CAMTA1: variants seen among roughly 807,000 people sequenced by gnomAD.
The protein encoded by CAMTA1 is calmodulin-binding transcription activator 1.
A neutral mutation model predicts 170.9 loss-of-function variants in CAMTA1; 27 were observed. The observed-to-expected ratio is 0.16, with a 90% CI of 0.12 to 0.22. The LOEUF (loss-of-function observed/expected upper bound fraction) is 0.22. Among genes scored for constraint, CAMTA1 ranks in the 10% least tolerant of loss-of-function variants. The pLI is 1.00. For missense variants in CAMTA1, 1,619 were observed against 2,217.2 expected (o/e 0.73, Z 5.42); for synonymous variants, 833 against 891.5 (o/e 0.93, Z 1.17).
chr1:7,698,084 CCCCCA>C (rs1265980470), intron 11 of CAMTA1, among the ~76,000 whole-genome samples: 1 of 142,904 alleles, frequency 7.0e-6, no homozygotes, highest in Admixed American at 6.9e-5. Flanking sequence ...ACCCCCCCCC[CCCCCA>C]CCAACATGGC....
chr1:7,618,005 A>G (rs779990773), intron 6 of CAMTA1, among the ~76,000 whole-genome samples: 16 of 152,172 alleles, frequency 1.1e-4, no homozygotes, highest in Admixed American at 6.5e-5. Flanking sequence ...TACCATGCAC[A>G]CAGTGGGAGC....
chr1:7,670,872 C>A, intron 9 of CAMTA1, 39 bp from the exon 10 acceptor site: 2 of 1,607,776 alleles, frequency 1.2e-6, no homozygotes, highest in Admixed American at 1.7e-5. Flanking sequence ...CCCACAGTGG[C>A]TCACACTCCA....
intron 3 of CAMTA1, among the ~76,000 whole-genome samples, chr1:6,962,110 G>A (rs1046380245): frequency 2.6e-5 from 4 of 152,166 alleles, no homozygotes; most frequent in Non-Finnish European, 5.9e-5. Context: ...TGGGCCTCAC[G>A]CCTCTGTCTC....
intron 5 of CAMTA1, among the ~76,000 whole-genome samples, chr1:7,345,115 A>G (rs79870386): frequency 0.017 from 2,590 of 152,218 alleles, 29 homozygotes; most frequent in Non-Finnish European, 0.028. Flanking sequence ...AGAATTCTTT[A>G]TATTTTCTTG....
chr1:7,645,571 G>A (rs1485994697), intron 7 of CAMTA1, among the ~76,000 whole-genome samples: 1 of 152,274 alleles, frequency 6.6e-6, no homozygotes, highest in African/African-American at 2.4e-5. Context: ...TGGCTGGCCA[G>A]ATGGCCCTGC....
chr1:7,735,619 C>T (rs1431995083), intron 12 of CAMTA1, among the ~76,000 whole-genome samples: 7 of 152,086 alleles, frequency 4.6e-5, no homozygotes, highest in African/African-American at 1.7e-4. Context: ...TTCCCCAAGA[C>T]GAATCGGCAT....
Position 7,271,004 on chromosome 1 carries a change from AC to A in CAMTA1, c.438+21381del, listed in dbSNP as rs1184507489. Among the ~76,000 whole-genome samples the A allele has an allele frequency of 2.0e-5, 3 of 152,098 alleles. No homozygotes were observed. In the South Asian group the frequency reaches 6.2e-4, roughly 32 times the overall value. On this transcript the variant is annotated intron_variant, in intron 5 of 22. Transcript: ENST00000303635. ...CAAGAAGTTAGAAAAAGAAAATGAAACCCAAAATCATCCAGGGGAAAGTATT... is the reference window on the plus strand; with the variant it reads ...CAAGAAGTTAGAAAAAGAAAATGAAACCAAAATCATCCAGGGGAAAGTATT...
chr1:6,990,012 C>T (rs1696088722), intron 3 of CAMTA1, among the ~76,000 whole-genome samples: 2 of 152,128 alleles, frequency 1.3e-5, no homozygotes, highest in Admixed American at 1.3e-4. Flanking sequence ...TCTTAACTGG[C>T]TTCCCTGGAA....
intron 5 of CAMTA1, among the ~76,000 whole-genome samples, chr1:7,339,289 C>T (rs1347066940): frequency 6.6e-6 from 1 of 152,032 alleles, no homozygotes; most frequent in Non-Finnish European, 1.5e-5. Context: ...AATGTGAACT[C>T]CATCTCAATA....
intron 3 of CAMTA1, among the ~76,000 whole-genome samples, chr1:6,975,968 C>T (rs896308514): frequency 1.2e-4 from 18 of 152,132 alleles, no homozygotes; most frequent in African/African-American, 3.1e-4. Flanking sequence ...CCTGCCGCGG[C>T]GAGCGTCAGT....
Position 7,216,285 on chromosome 1 carries a change from C to A in CAMTA1, c.303-33206C>A, listed in dbSNP as rs1444715968. Among the ~76,000 whole-genome samples the A allele has an allele frequency of 6.6e-6, 1 of 152,194 alleles. No homozygotes were observed. The highest frequency in any genetic ancestry group is 1.5e-5 in the Non-Finnish European group (1 of 68,034). ...CCTCCCCCAGGCTCTTCCTCCAACA[C>A]TGGGGATTACAGTTTGACATGAGAT... is the stretch of plus-strand genomic sequence containing the variant. On this transcript the variant is annotated intron_variant, in intron 4 of 22. Coordinates refer to ENST00000303635, the MANE Select transcript of CAMTA1 (RefSeq NM_015215.4). The surrounding 1 kb of genome is among the most constrained non-coding windows in gnomAD (Gnocchi z 4.0).
chr1:7,277,070 T>C (rs933503667), intron 5 of CAMTA1, among the ~76,000 whole-genome samples: 3 of 152,174 alleles, frequency 2.0e-5, no homozygotes, highest in African/African-American at 7.2e-5. Flanking sequence ...TAAAGAAGAC[T>C]TAAATAAATG....
At chr1:7,030,218 A>G (rs1557996313) in intron 3 of CAMTA1, among the ~76,000 whole-genome samples, 1 of 151,372 alleles carries the variant, frequency 6.6e-6, no homozygotes, top group East Asian at 1.9e-4. Flanking sequence ...AAAATAGTAT[A>G]TTTTTTTGTA....
intron 5 of CAMTA1, among the ~76,000 whole-genome samples, chr1:7,294,136 G>A (rs981026338): frequency 3.3e-5 from 5 of 152,154 alleles, no homozygotes; most frequent in Non-Finnish European, 5.9e-5. Flanking sequence ...GATGATGGGG[G>A]TGCTCAAGCT....
intron 7 of CAMTA1, among the ~76,000 whole-genome samples, chr1:7,656,149 C>A (rs1424901333): frequency 6.6e-6 from 1 of 152,214 alleles, no homozygotes; most frequent in African/African-American, 2.4e-5. Context: ...ATGAATTTCC[C>A]AGTCTGTGGT....
Position 6,986,088 on chromosome 1 carries a change from G to A in CAMTA1, c.235-105216G>A, listed in dbSNP as rs6660411. Among the ~76,000 whole-genome samples, 302 of 152,308 alleles carry A rather than the reference G, an allele frequency of 2.0e-3. 1 individual carries two copies. Among genetic ancestry groups the A allele is most frequent in the African/African-American group, 7.1e-3 (295 of 41,574 alleles). ...CAGCCCCCACTGGCTGCTCCCTGCC[G>A]TCTTTCTGTGCCTTTCCCCTGTTGC... On this transcript the variant is annotated intron_variant, in intron 3 of 22. Transcript: ENST00000303635.
rs1195737519 is a variant in CAMTA1, at chr1:6,965,493, C to G, written c.235-125811C>G. On this transcript the variant is annotated intron_variant, in intron 3 of 22. Transcript: ENST00000303635. This position sits in a 1 kb window ranked among gnomAD's most constrained non-coding sequence, Gnocchi z 4.1. ...AGGTAAATGTGGTTTATTAGCCCCC[C>G]TGGCTCAGAGGGGGCTGGGCACTGG... 6.6e-6 allele frequency among the ~76,000 whole-genome samples: 1 copy of G among 152,122 alleles called. No homozygotes were observed. The highest frequency in any genetic ancestry group is 1.9e-4 in the East Asian group (1 of 5,200).
chr1:7,044,192 G>A lies in CAMTA1; in HGVS notation c.235-47112G>A, dbSNP rs1018380065. 4.6e-5 allele frequency among the ~76,000 whole-genome samples: 7 copies of A among 152,222 alleles called. No homozygotes were observed. Among genetic ancestry groups the A allele is most frequent in the Non-Finnish European group, 7.3e-5 (5 of 68,032 alleles). Reference sequence around the variant, plus strand: ...GCATGCACAGCGCATGGCTGGGGCTGCAGAGCAGGCGCCCCAGTGTCATGG... The same window carrying A: ...GCATGCACAGCGCATGGCTGGGGCTACAGAGCAGGCGCCCCAGTGTCATGG... On this transcript the variant is annotated intron_variant, in intron 3 of 22. Transcript: ENST00000303635. The surrounding 1 kb of genome is among the most constrained non-coding windows in gnomAD (Gnocchi z 5.0).
intron 3 of CAMTA1, chr1:6,871,870 A>T (rs1557737678): frequency 6.9e-7 from 1 of 1,451,420 alleles, no homozygotes; most frequent in African/African-American, 1.5e-5. Context: ...ATTTAATTTC[A>T]TTTTTTAATT....
Sources: gnomAD v4.1 joint callset for allele counts (sites outside exome capture counted in the v4.1 genomes callset) on GRCh38, gnomAD v4.1.1 for gene constraint, Gnocchi (gnomAD v3.1) non-coding constraint, MANE v1.5 for transcripts, NCBI Gene and HGNC (gene_info 2026-07-23, HGNC 2026-07-21) for gene names.